Variants in BICDL1 observed in about 807,000 individuals in gnomAD.
BICDL1 encodes BICD family-like cargo adapter 1.
In BICDL1, 20 loss-of-function variants were observed where a neutral mutation model predicts 76.8. The ratio of observed to expected loss-of-function variants is 0.26; its 90% CI spans 0.18 to 0.38. The LOEUF is 0.38. BICDL1 is among the 10% of genes least tolerant of loss of function. The pLI, the probability that BICDL1 is intolerant of heterozygous loss-of-function variation, is 1.00. For missense variants in BICDL1, 700 were observed against 798.6 expected, an observed-to-expected ratio of 0.88 and a Z score of 1.49; for synonymous variants, 383 against 337.1, an observed-to-expected ratio of 1.14 and a Z score of -1.49.
At chr12:119,994,170 T>A (rs1336380308) in intron 1 of BICDL1, among the ~76,000 whole-genome samples, 1 of 152,204 alleles carries the variant, frequency 6.6e-6, no homozygotes, top group African/African-American at 2.4e-5. Context: ...CCCTCAGTTA[T>A]ATTTTCCTCC....
intron 2 of BICDL1, among the ~76,000 whole-genome samples, chr12:120,029,894 G>A (rs911380045): frequency 6.6e-6 from 1 of 152,106 alleles, no homozygotes; most frequent in Non-Finnish European, 1.5e-5. Flanking sequence ...TGATCTGCTC[G>A]CCTTGGCCTC....
chr12:120,018,487 T>C (rs1453724666), intron 2 of BICDL1, among the ~76,000 whole-genome samples: 1 of 152,162 alleles, frequency 6.6e-6, no homozygotes, highest in Admixed American at 6.5e-5. Flanking sequence ...TTGTGTGGAA[T>C]GAAAGCAAAA....
chr12:120,052,366 C>G (rs1952881996), intron 2 of BICDL1, among the ~76,000 whole-genome samples: 1 of 150,838 alleles, frequency 6.6e-6, no homozygotes, highest in South Asian at 2.1e-4. Context: ...TAATTGATGA[C>G]AGTTCATTCT....
Position 120,071,693 on chromosome 12 carries a change from A to G in BICDL1, c.981A>G (p.Glu327=). 5.0e-6 allele frequency: 8 copies of G among 1,612,506 alleles called. No homozygotes were observed. The highest frequency in any genetic ancestry group is 6.8e-6 in the Non-Finnish European group (8 of 1,179,752). The part of the protein sequence containing the change: ...SCRQLQVKVE[E]LTEERSLQSS... ...GACAGCTGCAGGTGAAGGTGGAAGA[A>G]CTCACTGAGGAGAGGAGTCTGCAGA... The change falls in exon 5 of 10, where the codon GAA becomes GAG. Residue 327 remains glutamate, a synonymous_variant. Transcript: ENST00000548673. The surrounding 1 kb of genome is among the most constrained non-coding windows in gnomAD (Gnocchi z 4.8).
chr12:120,001,915 G>A (rs1440329023), intron 2 of BICDL1, among the ~76,000 whole-genome samples: 1 of 152,124 alleles, frequency 6.6e-6, no homozygotes, highest in Non-Finnish European at 1.5e-5. Flanking sequence ...TTCTCCATGT[G>A]TAGTGGTGCA....
chr12:120,058,925 C>CTAG (rs1953043204), intron 2 of BICDL1, among the ~76,000 whole-genome samples: 1 of 151,470 alleles, frequency 6.6e-6, no homozygotes, highest in Non-Finnish European at 1.5e-5. Context: ...AATGAAATGC[C>CTAG]TAGCATTGAA....
chr12:120,059,984 A>AT (rs1174474502), intron 2 of BICDL1, among the ~76,000 whole-genome samples: 3 of 152,194 alleles, frequency 2.0e-5, no homozygotes, highest in African/African-American at 7.2e-5. Context: ...AAGTGCTGGG[A>AT]TTACAGGCAT....
intron 2 of BICDL1, among the ~76,000 whole-genome samples, chr12:120,043,075 T>G (rs1036354194): frequency 9.9e-5 from 15 of 152,190 alleles, no homozygotes; most frequent in African/African-American, 3.6e-4. Context: ...TTATGTGACC[T>G]AATCTTGGCT....
chr12:120,013,919 G>A (rs1594114942), intron 2 of BICDL1, among the ~76,000 whole-genome samples: 2 of 152,206 alleles, frequency 1.3e-5, no homozygotes, highest in Admixed American at 6.5e-5. Context: ...GGAAACCCCC[G>A]CATATTACAG....
At chr12:120,014,355 T>G (rs1952017763) in intron 2 of BICDL1, among the ~76,000 whole-genome samples, 1 of 152,174 alleles carries the variant, frequency 6.6e-6, no homozygotes, top group Admixed American at 6.6e-5. Flanking sequence ...TGAGGCATCT[T>G]TCAAAAGTAA....
At chr12:119,993,833 CT>C (rs1951579673) in intron 1 of BICDL1, among the ~76,000 whole-genome samples, 1 of 152,278 alleles carries the variant, frequency 6.6e-6, no homozygotes, top group East Asian at 1.9e-4. Context: ...CCAGGCTGGT[CT>C]TGAACTCCTG....
intron 2 of BICDL1, among the ~76,000 whole-genome samples, chr12:120,045,843 A>G (rs934256349): frequency 6.6e-6 from 1 of 151,174 alleles, no homozygotes; most frequent in Non-Finnish European, 1.5e-5. Context: ...TGGGTGCAGC[A>G]CACCAGCATG....
At chr12:120,053,238 C>T (rs769045427) in intron 2 of BICDL1, among the ~76,000 whole-genome samples, 5 of 152,190 alleles carry the variant, frequency 3.3e-5, no homozygotes, top group Non-Finnish European at 7.3e-5. Context: ...GCATGTGCCA[C>T]CATGCCTGGC....
intron 2 of BICDL1, among the ~76,000 whole-genome samples, chr12:120,011,553 C>T (rs1370813280): frequency 6.6e-6 from 1 of 152,138 alleles, no homozygotes; most frequent in Non-Finnish European, 1.5e-5. Context: ...TTTTTGTACT[C>T]AGGTAATATC....
Position 120,080,958 on chromosome 12 carries a change from C to T in BICDL1, c.1524C>T (p.Asp508=), listed in dbSNP as rs1337662083. 1.2e-6 allele frequency: 2 copies of T among 1,613,642 alleles called. No homozygotes were observed. Among genetic ancestry groups the T allele is most frequent in the East Asian group, 2.2e-5 (1 of 44,874 alleles). The change falls in exon 8 of 10, where the codon GAC becomes GAT. Residue 508 remains aspartate (D), a synonymous_variant. Transcript: ENST00000548673. ...ERDRLRVTSE[D]KEPKEQLQKA... ...ACCGACTCAGAGTCACTTCTGAGGA[C>T]AAGGAGCCAAAGGAGCAGCTTCAGA...
chr12:120,025,883 G>A (rs2138735411), intron 2 of BICDL1, among the ~76,000 whole-genome samples: 1 of 151,720 alleles, frequency 6.6e-6, no homozygotes, highest in East Asian at 1.9e-4. Context: ...TGTCACCTAG[G>A]CTGGAGTGCA....
At chr12:120,025,044 T>A (rs899789331) in intron 2 of BICDL1, among the ~76,000 whole-genome samples, 10 of 141,894 alleles carry the variant, frequency 7.0e-5, no homozygotes, top group African/African-American at 1.1e-4. Context: ...TATTATACTT[T>A]CTTTCTTTTT....
intron 8 of BICDL1, among the ~76,000 whole-genome samples, chr12:120,083,627 T>C (rs1213379287): frequency 6.8e-6 from 1 of 146,020 alleles, no homozygotes; most frequent in Non-Finnish European, 1.5e-5. Flanking sequence ...ATATTAATAG[T>C]AGTATTTATT....
intron 8 of BICDL1, among the ~76,000 whole-genome samples, chr12:120,085,272 C>G (rs1378530779): frequency 6.6e-6 from 1 of 151,954 alleles, no homozygotes; most frequent in Non-Finnish European, 1.5e-5. Flanking sequence ...ATGGTGAAAC[C>G]CCATCCCTAC....
Sources: gnomAD v4.1 joint callset for allele counts (sites outside exome capture counted in the v4.1 genomes callset) on GRCh38, gnomAD v4.1.1 for gene constraint, Gnocchi (gnomAD v3.1) non-coding constraint, MANE v1.5 for transcripts, NCBI Gene and HGNC (gene_info 2026-07-23, HGNC 2026-07-21) for gene names.